The following NOL10 variants were observed in gnomAD, a reference collection of about 807,000 sequenced individuals.
The protein encoded by NOL10 is nucleolar protein 10, also known as H_NH0074G24.1.
Under a neutral mutation model 103.5 loss-of-function variants are expected in NOL10, and 58 were observed. That is an observed-to-expected ratio of 0.56 (90% confidence interval 0.45 to 0.70). The LOEUF is 0.70. Ranked by LOEUF, NOL10 falls within the 30% of genes least tolerant of loss-of-function variation. The pLI, the probability that NOL10 is intolerant of heterozygous loss-of-function variation, is 0.00. For missense variants in NOL10, 763 were observed against 807.3 expected, an observed-to-expected ratio of 0.95 and a Z score of 0.67; for synonymous variants, 287 against 282.5, an observed-to-expected ratio of 1.02 and a Z score of -0.16.
At chr2:10,676,453 A>C (rs539286683) in intron 3 of NOL10, among the ~76,000 whole-genome samples, 1 of 152,348 alleles carries the variant, frequency 6.6e-6, no homozygotes, top group African/African-American at 2.4e-5. Context: ...ATAAATCCAC[A>C]CAAGGGAATA....
At chr2:10,587,178 T>C (rs1157503438) in intron 19 of NOL10, among the ~76,000 whole-genome samples, 1 of 52,696 alleles carries the variant, frequency 1.9e-5, no homozygotes, top group Non-Finnish European at 3.4e-5. Flanking sequence ...CACATATATA[T>C]ACACATATAT....
intron 20 of NOL10, 54 bp from the exon 21 acceptor site, chr2:10,572,244 T>C: frequency 3.1e-6 from 5 of 1,597,006 alleles, no homozygotes; most frequent in Non-Finnish European, 4.3e-6. Flanking sequence ...CTATACCTCT[T>C]TTCTGGTAAC....
intron 19 of NOL10, 54 bp from the exon 20 acceptor site, chr2:10,577,792 C>T: frequency 8.4e-7 from 1 of 1,192,448 alleles, no homozygotes; most frequent in Non-Finnish European, 1.2e-6. Flanking sequence ...TTTAATTTAC[C>T]ATTTGAAACA....
In NOL10 at chr2:10,600,863, T is replaced by C. The variant is rs115424813; in HGVS notation, c.1412A>G (p.Lys471Arg). 3.8e-3 allele frequency: 5,905 copies of C among 1,550,320 alleles called. 18 individuals are homozygous for C. Among genetic ancestry groups the C allele is most frequent in the Non-Finnish European group, 4.6e-3 (5,249 of 1,145,188 alleles). The change falls in exon 17 of 21, where the codon AAG becomes AGG. Residue 471 changes from lysine (K) to arginine (R), a missense_variant. Physicochemically the swap from Lys to Arg is conservative, Grantham distance 26. Coordinates refer to ENST00000381685, the MANE Select transcript of NOL10 (RefSeq NM_024894.4). ...ACTTTTTCACCTTACCTTAACTTTC[T>C]TTTTCCATGTAGATTTCTGCTTCTC... The part of the protein sequence containing the change: ...EEEKQKSTWK[K>R]KVKSLPNILT...
chr2:10,670,745 A>G (rs1332599561), intron 6 of NOL10, among the ~76,000 whole-genome samples: 1 of 152,176 alleles, frequency 6.6e-6, no homozygotes, highest in African/African-American at 2.4e-5. Flanking sequence ...AAAAAAAGAA[A>G]ATGAAACAAA....
chr2:10,603,811 A>G (rs1364803665), intron 14 of NOL10, among the ~76,000 whole-genome samples: 2 of 152,234 alleles, frequency 1.3e-5, no homozygotes, highest in Non-Finnish European at 2.9e-5. Context: ...TGGTGGTCAC[A>G]TAAGAATGCT....
intron 1 of NOL10, among the ~76,000 whole-genome samples, chr2:10,689,319 C>T (rs1460871150): frequency 6.6e-6 from 1 of 152,208 alleles, no homozygotes; most frequent in East Asian, 1.9e-4. Context: ...CTCGAAAATA[C>T]TGTCCTCTAC....
At chr2:10,603,832 G>C (rs1218393209) in intron 14 of NOL10, among the ~76,000 whole-genome samples, 5 of 152,066 alleles carry the variant, frequency 3.3e-5, no homozygotes, top group Non-Finnish European at 7.4e-5. Context: ...CTATGTCACA[G>C]GAATTATTTA....
intron 1 of NOL10, among the ~76,000 whole-genome samples, chr2:10,686,902 A>G (rs1019380545): frequency 2.0e-5 from 3 of 152,218 alleles, no homozygotes; most frequent in East Asian, 3.9e-4. Flanking sequence ...TGAGATGCCT[A>G]TCAGACATCC....
intron 19 of NOL10, among the ~76,000 whole-genome samples, chr2:10,587,422 C>T (rs1297797829): frequency 5.3e-5 from 8 of 149,876 alleles, no homozygotes; most frequent in African/African-American, 1.7e-4. Flanking sequence ...AGGCACGTGC[C>T]GCCACACCCA....
intron 17 of NOL10, among the ~76,000 whole-genome samples, chr2:10,597,269 G>T (rs756410222): frequency 6.6e-6 from 1 of 152,106 alleles, no homozygotes; most frequent in Non-Finnish European, 1.5e-5. Flanking sequence ...CATCTTATTC[G>T]ATTTTTGTGT....
chr2:10,580,844 G>A (rs970689306), intron 19 of NOL10, among the ~76,000 whole-genome samples: 1 of 152,052 alleles, frequency 6.6e-6, no homozygotes, highest in African/African-American at 2.4e-5. Flanking sequence ...TATTCATAAA[G>A]GCATGTGCTT....
intron 1 of NOL10, among the ~76,000 whole-genome samples, 188 bp downstream of exon 1, chr2:10,689,608 G>C (rs906550742): frequency 3.3e-5 from 5 of 152,210 alleles, no homozygotes; most frequent in African/African-American, 1.2e-4. Context: ...GCGCGGTGAC[G>C]GCAGTGTCCT....
intron 1 of NOL10, among the ~76,000 whole-genome samples, chr2:10,685,647 C>T (rs764853150): frequency 1.3e-5 from 2 of 151,850 alleles, no homozygotes; most frequent in Non-Finnish European, 2.9e-5. Context: ...AAATCGTAGC[C>T]CCAAGTCAAA....
chr2:10,665,515 T>C (rs540203663), intron 8 of NOL10, among the ~76,000 whole-genome samples: 1 of 152,352 alleles, frequency 6.6e-6, no homozygotes, highest in East Asian at 1.9e-4. Context: ...ACTATGCTTA[T>C]GAAACTGCAA....
intron 3 of NOL10, among the ~76,000 whole-genome samples, chr2:10,680,286 A>G (rs1681647865): frequency 7.3e-6 from 1 of 136,182 alleles, no homozygotes; most frequent in Admixed American, 8.4e-5. Context: ...AAAGAAGGAG[A>G]AGAAGGAGAA....
chr2:10,650,879 C>T (rs1679413001), intron 12 of NOL10, among the ~76,000 whole-genome samples: 1 of 152,208 alleles, frequency 6.6e-6, no homozygotes, highest in South Asian at 2.1e-4. Context: ...ACCTGGGTAA[C>T]AACATGCACT....
At chr2:10,675,980 C>G in intron 3 of NOL10, 109 bp from the exon 4 acceptor site, 1 of 519,046 alleles carries the variant, frequency 1.9e-6, no homozygotes, top group Non-Finnish European at 3.3e-6. Flanking sequence ...TTAATTGTAA[C>G]CAAATCAAAA....
intron 9 of NOL10, among the ~76,000 whole-genome samples, chr2:10,660,958 T>C (rs1395171350): frequency 6.6e-6 from 1 of 150,660 alleles, no homozygotes; most frequent in Non-Finnish European, 1.5e-5. Context: ...AAAAGTAAAA[T>C]TACCTAAAAC....
Sources: allele counts gnomAD v4.1 joint callset (sites outside exome capture counted in the v4.1 genomes callset), GRCh38; gene constraint gnomAD v4.1.1; transcripts MANE v1.5; gene names NCBI Gene and HGNC (gene_info 2026-07-23, HGNC 2026-07-21).